The following CMKLR1 variants were observed in gnomAD, a reference collection of about 807,000 sequenced individuals.
CMKLR1 encodes chemerin chemokine-like receptor 1, also known as chemerin-like receptor 1.
CMKLR1 carries 6 observed loss-of-function variants against 8.2 expected under a neutral mutation model. The ratio of observed to expected loss-of-function variants is 0.73; its 90% CI spans 0.40 to 1.44. The LOEUF (loss-of-function observed/expected upper bound fraction) is 1.44. Ranked by LOEUF, CMKLR1 falls within the 40% of genes most tolerant of loss-of-function variation. The pLI, the probability that CMKLR1 is intolerant of heterozygous loss-of-function variation, is 0.02. For missense variants in CMKLR1, 429 were observed against 478.0 expected (o/e 0.90, Z 0.96); for synonymous variants, 178 against 181.2 (o/e 0.98, Z 0.14).
intron 2 of CMKLR1, among the ~76,000 whole-genome samples, chr12:108,326,000 T>A (rs960492498): frequency 6.6e-6 from 1 of 152,156 alleles, no homozygotes; most frequent in Non-Finnish European, 1.5e-5. Flanking sequence ...GTGGGCAGTG[T>A]AGACATGAGT....
intron 1 of CMKLR1, among the ~76,000 whole-genome samples, chr12:108,331,275 C>A (rs1275162054): frequency 3.3e-5 from 5 of 152,164 alleles, no homozygotes; most frequent in African/African-American, 9.7e-5. Context: ...GATGGGAGAA[C>A]CCCCTCGTTC....
chr12:108,326,255 C>T (rs1891980141), intron 2 of CMKLR1, among the ~76,000 whole-genome samples: 1 of 152,200 alleles, frequency 6.6e-6, no homozygotes, highest in Admixed American at 6.5e-5. Flanking sequence ...GAGGCTGTGG[C>T]TTGCTTGTCT....
At chr12:108,306,672 C>A (rs1399817063) in intron 2 of CMKLR1, among the ~76,000 whole-genome samples, 1 of 152,172 alleles carries the variant, frequency 6.6e-6, no homozygotes, top group Non-Finnish European at 1.5e-5. Flanking sequence ...TTGCTGAAAA[C>A]CTCTTAGCAC....
At chr12:108,299,670 T>C (rs1566019769) in intron 2 of CMKLR1, among the ~76,000 whole-genome samples, 4 of 152,096 alleles carry the variant, frequency 2.6e-5, no homozygotes, top group Admixed American at 2.6e-4. Context: ...GGGGAAGATT[T>C]CACATGGACA....
At chr12:108,319,620 A>C (rs989516685) in intron 2 of CMKLR1, among the ~76,000 whole-genome samples, 1 of 152,240 alleles carries the variant, frequency 6.6e-6, no homozygotes, top group African/African-American at 2.4e-5. Flanking sequence ...TTAGGATATA[A>C]GAGAAGGAAT....
At chr12:108,321,594 C>T (rs958727539) in intron 2 of CMKLR1, among the ~76,000 whole-genome samples, 1 of 152,166 alleles carries the variant, frequency 6.6e-6, no homozygotes, top group African/African-American at 2.4e-5. Flanking sequence ...TAACACAGAA[C>T]GTGCACCCAA....
Position 108,331,746 on chromosome 12 carries a change from G to A in CMKLR1, c.-286-1539C>T, listed in dbSNP as rs575944301. 2.0e-5 allele frequency among the ~76,000 whole-genome samples: 3 copies of A among 152,288 alleles called. No homozygotes were observed. The South Asian group carries it at 6.2e-4, about 32-fold the overall frequency. On this transcript the variant is annotated intron_variant, in intron 1 of 3. Transcript: ENST00000550402. Reference sequence around the variant, plus strand: ...TGATGTGACGAGGACTCAACCTGCGGTTGCTGGCTTTGAAGGCTGGGGAAG... The same window carrying A: ...TGATGTGACGAGGACTCAACCTGCGATTGCTGGCTTTGAAGGCTGGGGAAG...
At chr12:108,323,755 T>G (rs931430092) in intron 2 of CMKLR1, among the ~76,000 whole-genome samples, 10 of 152,246 alleles carry the variant, frequency 6.6e-5, no homozygotes, top group African/African-American at 2.4e-4. Flanking sequence ...CAGGACTGGA[T>G]GCCAGTCCTC....
intron 2 of CMKLR1, among the ~76,000 whole-genome samples, chr12:108,329,761 C>T (rs1892061852): frequency 6.6e-6 from 1 of 152,136 alleles, no homozygotes; most frequent in Non-Finnish European, 1.5e-5. Flanking sequence ...TCCCTGTATC[C>T]CATGCTCCTA....
At chr12:108,334,248 A>G (rs1892171632) in intron 1 of CMKLR1, among the ~76,000 whole-genome samples, 2 of 152,256 alleles carry the variant, frequency 1.3e-5, no homozygotes, top group Non-Finnish European at 2.9e-5. Context: ...ATATGTTACA[A>G]GTTTGTCTCT....
intron 2 of CMKLR1, among the ~76,000 whole-genome samples, chr12:108,301,610 A>G (rs1182617499): frequency 6.6e-6 from 1 of 152,250 alleles, no homozygotes; most frequent in East Asian, 1.9e-4. Flanking sequence ...ATCATAATTT[A>G]TTAAGCACCT....
chr12:108,338,036 C>T lies in CMKLR1; in HGVS notation c.-287+991G>A, dbSNP rs11113826. Among the ~76,000 whole-genome samples the T allele has an allele frequency of 6.9e-3, 1,057 of 152,294 alleles. 4 individuals are homozygous for T. The highest frequency in any genetic ancestry group is 0.012 in the Non-Finnish European group (790 of 68,012). On this transcript the variant is annotated intron_variant, in intron 1 of 3. Transcript: ENST00000550402. Reference sequence around the variant, plus strand: ...AAGACTCAGAACCTGGACGTTCAGGCGTGTGACCTCAGACCAGTGATCTGG... The same window carrying T: ...AAGACTCAGAACCTGGACGTTCAGGTGTGTGACCTCAGACCAGTGATCTGG...
rs1229134525 is a variant in CMKLR1 at position 108,289,867 on chromosome 12, C to T, written c.*1974G>A. On this transcript the variant is annotated 3_prime_UTR_variant, in exon 4 of 4. Coordinates refer to ENST00000550402, the MANE Select transcript of CMKLR1 (RefSeq NM_001142343.2). ...TGTGATTCCAAACAGCCCATGGCCT[C>T]GGGAACTCGCCCAGCGCGGGGTAGA... The T allele has an allele frequency of 6.6e-6, 1 of 152,254 alleles. No individual in the cohort carries two copies. The highest frequency in any genetic ancestry group is 2.4e-5 in the African/African-American group (1 of 41,454). The allele number at this position is 152,254 out of a possible 1,614,324, so 9.4% of individuals were successfully genotyped here. A position where few individuals can be genotyped will look rare whatever the true frequency, so the allele number is the denominator to read the frequency against.
rs1890901063 is a variant in CMKLR1 at position 108,289,577 on chromosome 12, A to T, written c.*2264T>A. Reference sequence around the variant, plus strand: ...CTGCCAGAAGCCCAGGAAAAGCAGCATCCTACAAGCCAGGAGGGCCAAGGC... The same window carrying T: ...CTGCCAGAAGCCCAGGAAAAGCAGCTTCCTACAAGCCAGGAGGGCCAAGGC... On this transcript the variant is annotated 3_prime_UTR_variant, in exon 4 of 4. Coordinates refer to ENST00000550402, the MANE Select transcript of CMKLR1 (RefSeq NM_001142343.2). 1 of 152,208 alleles carries T rather than the reference A, an allele frequency of 6.6e-6. No homozygotes were observed. The highest frequency in any genetic ancestry group is 6.5e-5 in the Admixed American group (1 of 15,292). The allele number at this position is 152,208 out of a possible 1,614,324, so 9.4% of individuals were successfully genotyped here. A position where few individuals can be genotyped will look rare whatever the true frequency, so the allele number is the denominator to read the frequency against.
At chr12:108,312,041 C>A (rs1270782272) in intron 2 of CMKLR1, among the ~76,000 whole-genome samples, 1 of 152,192 alleles carries the variant, frequency 6.6e-6, no homozygotes, top group African/African-American at 2.4e-5. Flanking sequence ...GAGCAAACAG[C>A]AAGGTGACAA....
chr12:108,329,494 T>C (rs1007118773), intron 2 of CMKLR1, among the ~76,000 whole-genome samples: 1 of 152,174 alleles, frequency 6.6e-6, no homozygotes, highest in African/African-American at 2.4e-5. Flanking sequence ...GAAAGCTACC[T>C]CCACTTCACT....
chr12:108,338,175 T>G (rs1013658980), intron 1 of CMKLR1, among the ~76,000 whole-genome samples: 3 of 152,180 alleles, frequency 2.0e-5, no homozygotes, highest in Non-Finnish European at 2.9e-5. Context: ...AATGGGCTAT[T>G]CTGAAGACAG....
At chr12:108,314,459 T>C (rs1891666019) in intron 2 of CMKLR1, among the ~76,000 whole-genome samples, 1 of 152,208 alleles carries the variant, frequency 6.6e-6, no homozygotes, top group Non-Finnish European at 1.5e-5. Flanking sequence ...GAACGGGGTC[T>C]CCAGTTCCTG....
chr12:108,315,855 C>T (rs190903232), intron 2 of CMKLR1, among the ~76,000 whole-genome samples: 9 of 152,290 alleles, frequency 5.9e-5, no homozygotes, highest in South Asian at 2.1e-4. Context: ...TCCTTCAATC[C>T]GGGCTCATGA....
Sources: gnomAD v4.1 joint callset for allele counts (sites outside exome capture counted in the v4.1 genomes callset) on GRCh38, gnomAD v4.1.1 for gene constraint, MANE v1.5 for transcripts, NCBI Gene and HGNC (gene_info 2026-07-23, HGNC 2026-07-21) for gene names.